Variants in SLC24A2 observed in about 807,000 individuals in gnomAD.
SLC24A2 encodes sodium/potassium/calcium exchanger 2.
SLC24A2 carries 36 observed loss-of-function variants against 62.0 expected under a neutral mutation model. The observed-to-expected ratio is 0.58, with a 90% CI of 0.44 to 0.77. The LOEUF is 0.77. Among genes scored for constraint, SLC24A2 ranks in the 30% least tolerant of loss-of-function variants. The probability of loss-of-function intolerance (pLI) is 0.00; values close to 1 mark genes in which losing one functional copy is unlikely to be tolerated. For synonymous variants in SLC24A2, 358 were observed against 294.0 expected (o/e 1.22, Z -2.23); for missense variants, 846 against 817.9 (o/e 1.03, Z -0.42).
At chr9:20,020,592 G>A in the SLC24A2 span, among the ~76,000 whole-genome samples, 1 of 152,112 alleles carries the variant, frequency 6.6e-6, no homozygotes, top group African/African-American at 2.4e-5. Context: ...GCTAGGGGAG[G>A]GATAGCATTT....
chr9:19,814,372 A>G, the SLC24A2 span, among the ~76,000 whole-genome samples: 1 of 152,140 alleles, frequency 6.6e-6, no homozygotes, highest in African/African-American at 2.4e-5. Flanking sequence ...GTTTTCACAT[A>G]TACTGGGGAA....
At chr9:19,820,063 A>C in the SLC24A2 span, among the ~76,000 whole-genome samples, 3 of 130,256 alleles carry the variant, frequency 2.3e-5, no homozygotes, top group African/African-American at 9.3e-5. Flanking sequence ...ATACACATAT[A>C]TATATATATA....
intron 2 of SLC24A2, among the ~76,000 whole-genome samples, chr9:19,777,991 C>T (rs1822893291): frequency 1.3e-5 from 2 of 152,078 alleles, no homozygotes; most frequent in African/African-American, 2.4e-5. Context: ...ATGACTAAAA[C>T]TTGCTGTTTC....
chr9:20,238,705 G>T, the SLC24A2 span, among the ~76,000 whole-genome samples: 547 of 152,272 alleles, frequency 3.6e-3, 7 homozygotes, highest in African/African-American at 0.012. Flanking sequence ...ACATGTCTTA[G>T]CTTTGTGTAC....
chr9:20,122,320 G>C, the SLC24A2 span, among the ~76,000 whole-genome samples: 4 of 152,312 alleles, frequency 2.6e-5, no homozygotes, highest in African/African-American at 9.6e-5. Flanking sequence ...CTGACAATCA[G>C]GCATACAAGG....
the SLC24A2 span, among the ~76,000 whole-genome samples, chr9:19,844,145 G>A: frequency 6.6e-6 from 1 of 152,200 alleles, no homozygotes; most frequent in Admixed American, 6.5e-5. Context: ...GCCACCAACA[G>A]TGTATAAATG....
intron 9 of SLC24A2, among the ~76,000 whole-genome samples, chr9:19,525,386 CTTTACTTTTTTTTTTTTTTT>C (rs1361122672): frequency 2.1e-5 from 1 of 47,200 alleles, no homozygotes; most frequent in African/African-American, 7.8e-5. Context: ...TTTCCTATTT[CTTTACTTTTTTTTTTTTTTT>C]TTTTTTTTTT....
chr9:20,161,781 C>T, the SLC24A2 span, among the ~76,000 whole-genome samples: 1 of 151,106 alleles, frequency 6.6e-6, no homozygotes, highest in Non-Finnish European at 1.5e-5. Context: ...CACACACACA[C>T]ACACAAACAT....
At chr9:20,174,956 G>A in the SLC24A2 span, among the ~76,000 whole-genome samples, 18 of 151,178 alleles carry the variant, frequency 1.2e-4, 1 homozygote, top group Admixed American at 4.0e-4. Flanking sequence ...AAACCCAAAC[G>A]CCCATCAACC....
the SLC24A2 span, among the ~76,000 whole-genome samples, chr9:19,804,134 C>G: frequency 2.0e-5 from 3 of 151,996 alleles, no homozygotes; most frequent in Admixed American, 6.6e-5. Context: ...ATTATAGAGC[C>G]AGCTTGTTAA....
chr9:20,183,672 G>T, the SLC24A2 span, among the ~76,000 whole-genome samples: 1 of 152,206 alleles, frequency 6.6e-6, no homozygotes, highest in East Asian at 1.9e-4. Flanking sequence ...ACTTTTAGAT[G>T]AGCAGAGGAT....
intron 2 of SLC24A2, among the ~76,000 whole-genome samples, chr9:19,740,846 T>A (rs1587250850): frequency 6.8e-6 from 1 of 147,662 alleles, no homozygotes; most frequent in East Asian, 2.0e-4. Flanking sequence ...TGTGTATATT[T>A]GAAATTTTCC....
rs113751282 is a variant in SLC24A2 at position 19,621,289 on chromosome 9, A to G, written c.969+972T>C. Among the ~76,000 whole-genome samples the G allele has an allele frequency of 3.2e-3, 492 of 152,310 alleles. 3 individuals carry two copies. Among genetic ancestry groups the G allele is most frequent in the African/African-American group, 0.01 (434 of 41,576 alleles). ...ATCAGTGGGGATTACTGGTGCCTCA[A>G]TGGTGAACCAGATTATGGCTCCTTA... is the stretch of plus-strand genomic sequence containing the variant. On this transcript the variant is annotated intron_variant, in intron 3 of 10. Transcript: ENST00000341998.
chr9:19,855,758 GT>G, the SLC24A2 span, among the ~76,000 whole-genome samples: 1 of 151,888 alleles, frequency 6.6e-6, no homozygotes, highest in Non-Finnish European at 1.5e-5. Flanking sequence ...ATCTGATAAT[GT>G]GTCTTGGGGT....
At chr9:19,982,011 T>C in the SLC24A2 span, among the ~76,000 whole-genome samples, 2 of 151,982 alleles carry the variant, frequency 1.3e-5, no homozygotes, top group African/African-American at 4.8e-5. Flanking sequence ...TCTATTATGC[T>C]CTCCAAACCA....
At chr9:20,151,980 T>C in the SLC24A2 span, among the ~76,000 whole-genome samples, 10 of 151,898 alleles carry the variant, frequency 6.6e-5, no homozygotes, top group Non-Finnish European at 1.5e-5. Flanking sequence ...GAAAATTGTA[T>C]GTTTTTCCTT....
the SLC24A2 span, among the ~76,000 whole-genome samples, chr9:20,186,241 C>CT: frequency 6.6e-6 from 1 of 152,206 alleles, no homozygotes; most frequent in Non-Finnish European, 1.5e-5. Flanking sequence ...TCATCTCTAC[C>CT]TAGTGCCATA....
At chr9:20,243,556 A>C in the SLC24A2 span, among the ~76,000 whole-genome samples, 2 of 152,240 alleles carry the variant, frequency 1.3e-5, no homozygotes, top group Non-Finnish European at 2.9e-5. Context: ...TCATTTTACT[A>C]GCCAGATTGT....
chr9:19,761,824 T>C (rs1822341677), intron 2 of SLC24A2, among the ~76,000 whole-genome samples: 1 of 152,254 alleles, frequency 6.6e-6, no homozygotes, highest in Non-Finnish European at 1.5e-5. Flanking sequence ...TCATTTTTTA[T>C]GGCTGCATAG....
Sources: gnomAD v4.1 joint callset for allele counts (sites outside exome capture counted in the v4.1 genomes callset) on GRCh38, gnomAD v4.1.1 for gene constraint, MANE v1.5 for transcripts, NCBI Gene and HGNC (gene_info 2026-07-23, HGNC 2026-07-21) for gene names.